The following FAM13C variants were observed in gnomAD, a reference collection of about 807,000 sequenced individuals.
FAM13C encodes the protein family with sequence similarity 13 member C, also known as protein FAM13C.
FAM13C carries 37 observed loss-of-function variants against 73.2 expected under a neutral mutation model. That is an observed-to-expected ratio of 0.51 (90% CI 0.39 to 0.67). The LOEUF is 0.67. Ranked by LOEUF, FAM13C falls within the 30% of genes least tolerant of loss-of-function variation. FAM13C has a pLI of 0.00. For missense variants in FAM13C, 589 were observed against 715.6 expected (o/e 0.82, Z 2.02); for synonymous variants, 246 against 260.9 (o/e 0.94, Z 0.55).
chr10:59,332,041 A>T (rs1490369912), intron 3 of FAM13C, among the ~76,000 whole-genome samples: 1 of 152,162 alleles, frequency 6.6e-6, no homozygotes, highest in Non-Finnish European at 1.5e-5. Flanking sequence ...CAGGAGGGTG[A>T]CCAAAACCAC....
rs1232693392 is a variant in FAM13C, at chr10:59,252,872, C to A, written c.1459G>T (p.Ala487Ser). The change falls in exon 12 of 14, where the codon GCC (alanine) becomes TCC (serine). Residue 487 changes from alanine (A) to serine (S), a missense_variant. Transcript: ENST00000618804. ...TCTTTCTTTTCATCTGGTAAAAGGG[C>A]CCTAACAGGCTCAGTCTCATTAGAG... ...TYSNETEPVR[A>S]LLPDEKKEVK... 8.1e-6 allele frequency: 13 copies of A among 1,614,076 alleles called. No individual in the cohort carries two copies. The highest frequency in any genetic ancestry group is 1.7e-5 in the Admixed American group (1 of 60,012).
intron 5 of FAM13C, among the ~76,000 whole-genome samples, chr10:59,291,641 C>T (rs1056788481): frequency 2.3e-5 from 3 of 132,986 alleles, no homozygotes; most frequent in African/African-American, 5.4e-5. Flanking sequence ...ACCCACATTT[C>T]CTTTAAGCTA....
chr10:59,256,342 A>AT (rs1314104315), intron 10 of FAM13C, among the ~76,000 whole-genome samples: 1 of 151,966 alleles, frequency 6.6e-6, no homozygotes, highest in African/African-American at 2.4e-5. Context: ...TTGCAATTTG[A>AT]TTTTTGTGAT....
chr10:59,311,064 C>T (rs1848858895), intron 4 of FAM13C, among the ~76,000 whole-genome samples: 1 of 152,086 alleles, frequency 6.6e-6, no homozygotes, highest in Non-Finnish European at 1.5e-5. Flanking sequence ...GAACACATTC[C>T]CAAAGAGAGA....
intron 10 of FAM13C, among the ~76,000 whole-genome samples, chr10:59,258,474 C>A (rs2133424608): frequency 6.6e-6 from 1 of 152,176 alleles, no homozygotes; most frequent in Admixed American, 6.5e-5. Flanking sequence ...TAAAGTGACA[C>A]CCTGTCTCTA....
chr10:59,341,920 T>C (rs1422396818), intron 3 of FAM13C, among the ~76,000 whole-genome samples: 2 of 152,206 alleles, frequency 1.3e-5, no homozygotes, highest in African/African-American at 4.8e-5. Flanking sequence ...TCCTCACCTG[T>C]GACACTAGCC....
At chr10:59,253,530 T>C (rs1841614916) in intron 11 of FAM13C, among the ~76,000 whole-genome samples, 1 of 152,358 alleles carries the variant, frequency 6.6e-6, no homozygotes, top group African/African-American at 2.4e-5. Context: ...TCAACTGTTC[T>C]GATAATTCTT....
At chr10:59,306,188 AAAAC>A (rs967279556) in intron 4 of FAM13C, among the ~76,000 whole-genome samples, 39 of 152,330 alleles carry the variant, frequency 2.6e-4, no homozygotes, top group African/African-American at 9.4e-4. Flanking sequence ...AGCAGATGGT[AAAAC>A]AAATAACCAA....
At position 59,252,953 on chromosome 10, in the gene FAM13C, G is replaced by A. The variant is rs1841541384; in HGVS notation, c.1378C>T (p.Gln460Ter). Reference protein sequence around the residue: ...SDEDRPQGSQQPSLADPASHL... With the variant: ...SDEDRPQGSQ ...GATGCTGGATCTGCCAAAGAAGGTT[G>A]TTGGCTTCCCTGTGGACGGTCTTCA... Residue 460 changes from glutamine to a stop codon, truncating the protein, a stop_gained, in exon 12 of 14, where the codon CAA becomes TAA. Coordinates refer to ENST00000618804, the MANE Select transcript of FAM13C (RefSeq NM_198215.4). LOFTEE classifies it high-confidence loss of function. The A allele has an allele frequency of 6.2e-7, 1 of 1,613,958 alleles. No homozygotes were observed. The highest frequency in any genetic ancestry group is 8.5e-7 in the Non-Finnish European group (1 of 1,180,002).
chr10:59,330,119 TAC>T, intron 3 of FAM13C, among the ~76,000 whole-genome samples: 1 of 152,214 alleles, frequency 6.6e-6, no homozygotes. Flanking sequence ...AGCTTTGATA[TAC>T]AGTTCTTGAT....
intron 4 of FAM13C, among the ~76,000 whole-genome samples, chr10:59,308,472 TACCACCACTGCCACTACCATTGCC>T (rs1442417442): frequency 7.0e-6 from 1 of 142,438 alleles, no homozygotes; most frequent in East Asian, 2.1e-4. Flanking sequence ...CCACCATCAC[TACCACCACTGCCACTACCATTGCC>T]ACCACCACTG....
intron 6 of FAM13C, among the ~76,000 whole-genome samples, chr10:59,273,932 A>C (rs1355093018): frequency 6.6e-6 from 1 of 152,190 alleles, no homozygotes; most frequent in African/African-American, 2.4e-5. Flanking sequence ...TCTATCTGCA[A>C]AAACTTGAGA....
intron 5 of FAM13C, among the ~76,000 whole-genome samples, chr10:59,291,816 T>G: frequency 1.4e-5 from 2 of 143,958 alleles, no homozygotes; most frequent in Admixed American, 7.1e-5. Flanking sequence ...TGAGATGGAG[T>G]CTTGCTCTGT....
At chr10:59,304,271 G>T (rs1193767310) in intron 4 of FAM13C, among the ~76,000 whole-genome samples, 3 of 152,090 alleles carry the variant, frequency 2.0e-5, no homozygotes, top group Non-Finnish European at 4.4e-5. Context: ...TTGAGGGATG[G>T]GTAGTTTGCA....
intron 5 of FAM13C, among the ~76,000 whole-genome samples, chr10:59,299,043 G>C (rs1200129715): frequency 6.6e-6 from 1 of 151,880 alleles, no homozygotes; most frequent in Non-Finnish European, 1.5e-5. Flanking sequence ...CAGTTCTGGT[G>C]GTTTATTGCA....
chr10:59,273,366 T>C lies in FAM13C; in HGVS notation c.593-3257A>G, dbSNP rs186970366. On this transcript the variant is annotated intron_variant, in intron 6 of 13. Transcript: ENST00000618804. ...TTATTATTAATATAAGAAAGTTGAA[T>C]ATTGTCTTCTCTTACTGAACACCAA... is the stretch of plus-strand genomic sequence containing the variant. 2.3e-3 allele frequency among the ~76,000 whole-genome samples: 353 copies of C among 152,262 alleles called. 3 individuals carry two copies. The highest frequency in any genetic ancestry group is 8.2e-3 in the African/African-American group (341 of 41,562).
At chr10:59,350,873 C>T (rs1854946926) in intron 3 of FAM13C, among the ~76,000 whole-genome samples, 1 of 152,118 alleles carries the variant, frequency 6.6e-6, no homozygotes, top group Non-Finnish European at 1.5e-5. Flanking sequence ...TAAAGCCTCC[C>T]ACATTATTTT....
At chr10:59,256,896 T>C (rs1841996613) in intron 10 of FAM13C, among the ~76,000 whole-genome samples, 2 of 152,318 alleles carry the variant, frequency 1.3e-5, no homozygotes, top group Middle Eastern at 3.4e-3. Flanking sequence ...GGCTCTCTCT[T>C]TCTGAAGTAC....
chr10:59,301,261 A>C (rs1445653461), intron 5 of FAM13C: 1 of 152,212 alleles, frequency 6.6e-6, no homozygotes, highest in African/African-American at 2.4e-5. Context: ...ATGGAAAAAA[A>C]AACACTGTCA....
Sources: gnomAD v4.1 joint callset for allele counts (sites outside exome capture counted in the v4.1 genomes callset) on GRCh38, gnomAD v4.1.1 for gene constraint, MANE v1.5 for transcripts, NCBI Gene and HGNC (gene_info 2026-07-23, HGNC 2026-07-21) for gene names.